The following CTIF variants were observed in gnomAD, a reference collection of about 807,000 sequenced individuals.
CTIF encodes cap binding complex dependent translation initiation factor.
CTIF carries 21 observed loss-of-function variants against 66.0 expected under a neutral mutation model. The ratio of observed to expected loss-of-function variants is 0.32; its 90% CI spans 0.23 to 0.46. The LOEUF (loss-of-function observed/expected upper bound fraction) is 0.46, where lower values mean the gene tolerates loss of function less well. Ranked by LOEUF, CTIF falls within the 20% of genes least tolerant of loss-of-function variation. CTIF has a pLI of 1.00. For missense variants in CTIF, 739 were observed against 812.7 expected, an observed-to-expected ratio of 0.91 and a Z score of 1.10; for synonymous variants, 345 against 326.4, an observed-to-expected ratio of 1.06 and a Z score of -0.62.
At chr18:48,701,037 C>T (rs149943399) in intron 6 of CTIF, among the ~76,000 whole-genome samples, 31 of 152,342 alleles carry the variant, frequency 2.0e-4, no homozygotes, top group African/African-American at 6.7e-4. Flanking sequence ...GAGGCCAGAA[C>T]GCAAACATTG....
intron 9 of CTIF, among the ~76,000 whole-genome samples, chr18:48,810,076 T>G (rs2068228105): frequency 6.6e-6 from 1 of 152,102 alleles, no homozygotes; most frequent in Non-Finnish European, 1.5e-5. Context: ...ATATGTAATT[T>G]TAAATTTAAT....
chr18:48,800,536 A>G (rs1300277889), intron 9 of CTIF, among the ~76,000 whole-genome samples: 1 of 151,978 alleles, frequency 6.6e-6, no homozygotes, highest in African/African-American at 2.4e-5. Flanking sequence ...TCCAACACCC[A>G]CCATACACTG....
At chr18:48,840,443 T>C (rs912819784) in intron 10 of CTIF, among the ~76,000 whole-genome samples, 1 of 152,208 alleles carries the variant, frequency 6.6e-6, no homozygotes, top group African/African-American at 2.4e-5. Context: ...AAAGATCATC[T>C]CGACTTAGAA....
intron 9 of CTIF, among the ~76,000 whole-genome samples, chr18:48,789,593 C>T (rs1441455488): frequency 1.3e-5 from 2 of 152,184 alleles, no homozygotes; most frequent in Non-Finnish European, 2.9e-5. Context: ...ATACCATATT[C>T]ATGGACTAGA....
chr18:48,759,992 A>G (rs988514907), intron 8 of CTIF, among the ~76,000 whole-genome samples: 2 of 152,052 alleles, frequency 1.3e-5, no homozygotes, highest in Admixed American at 6.6e-5. Context: ...CATCCTAAAC[A>G]TTTTCATCAG....
At chr18:48,736,537 C>A (rs143227637) in intron 7 of CTIF, among the ~76,000 whole-genome samples, 1 of 152,198 alleles carries the variant, frequency 6.6e-6, no homozygotes. Flanking sequence ...CCTGTTCCTC[C>A]GATGATTTTC....
chr18:48,738,489 T>G (rs552485278), intron 7 of CTIF, among the ~76,000 whole-genome samples: 1 of 152,248 alleles, frequency 6.6e-6, no homozygotes, highest in Admixed American at 6.5e-5. Context: ...CCACCCTGCC[T>G]TCCTGGGTGC....
intron 7 of CTIF, among the ~76,000 whole-genome samples, chr18:48,746,620 G>A (rs1568184182): frequency 6.6e-6 from 1 of 151,928 alleles, no homozygotes; most frequent in Non-Finnish European, 1.5e-5. Context: ...GTCAGAGCGT[G>A]GCAAGATGAT....
intron 9 of CTIF, among the ~76,000 whole-genome samples, chr18:48,765,290 C>T (rs1345994498): frequency 6.6e-6 from 1 of 152,218 alleles, no homozygotes; most frequent in Non-Finnish European, 1.5e-5. Context: ...GCTCCATCCA[C>T]TCAAGGCCCA....
chr18:48,657,269 A>G (rs530914771), intron 3 of CTIF, among the ~76,000 whole-genome samples: 101 of 152,394 alleles, frequency 6.6e-4, no homozygotes, highest in African/African-American at 2.4e-3. Flanking sequence ...GAAGTTCTGC[A>G]ATAAAAATTT....
intron 1 of CTIF, among the ~76,000 whole-genome samples, chr18:48,562,971 T>C (rs746411904): frequency 5.4e-4 from 82 of 152,196 alleles, no homozygotes; most frequent in Non-Finnish European, 1.0e-3. Context: ...ACTGAAAAGA[T>C]ATTGACGCTG....
At chr18:48,811,922 G>A (rs1225993733) in intron 9 of CTIF, among the ~76,000 whole-genome samples, 4 of 152,114 alleles carry the variant, frequency 2.6e-5, no homozygotes, top group Non-Finnish European at 1.5e-5. Flanking sequence ...GGAATTGCTG[G>A]ATCATATAGT....
At chr18:48,540,949 C>A (rs563867171) in intron 1 of CTIF, among the ~76,000 whole-genome samples, 1 of 152,234 alleles carries the variant, frequency 6.6e-6, no homozygotes, top group East Asian at 1.9e-4. Flanking sequence ...GTCCCAGGTC[C>A]GCTGTGCGGC....
chr18:48,766,343 G>A (rs1276873495), intron 9 of CTIF, among the ~76,000 whole-genome samples: 1 of 152,160 alleles, frequency 6.6e-6, no homozygotes. Flanking sequence ...TTGAATGACT[G>A]ATGGTTTGTA....
chr18:48,559,901 A>G (rs1466982227), intron 1 of CTIF, among the ~76,000 whole-genome samples: 1 of 152,184 alleles, frequency 6.6e-6, no homozygotes, highest in Non-Finnish European at 1.5e-5. Flanking sequence ...CTTAACCACT[A>G]TGCAATATAT....
intron 2 of CTIF, among the ~76,000 whole-genome samples, chr18:48,626,783 G>C (rs1259188575): frequency 1.3e-5 from 2 of 151,550 alleles, no homozygotes; most frequent in Non-Finnish European, 2.9e-5. Context: ...AGCCTCCCGA[G>C]TAGCTGTGAT....
intron 4 of CTIF, 99 bp downstream of exon 4, chr18:48,663,924 G>A: frequency 9.7e-7 from 1 of 1,032,680 alleles, no homozygotes. Flanking sequence ...TGAGCAAGAG[G>A]CAGAGAGAAG....
At chr18:48,579,587 C>T (rs753220196) in intron 1 of CTIF, among the ~76,000 whole-genome samples, 27 of 152,164 alleles carry the variant, frequency 1.8e-4, no homozygotes, top group Non-Finnish European at 3.5e-4. Flanking sequence ...TTCTTCCCCC[C>T]AAGCCCACAC....
intron 10 of CTIF, among the ~76,000 whole-genome samples, chr18:48,829,448 C>G (rs1169904717): frequency 1.3e-5 from 2 of 152,220 alleles, no homozygotes; most frequent in Non-Finnish European, 2.9e-5. Context: ...AAATGGCCAT[C>G]AGTTACTCCA....
Sources: allele counts gnomAD v4.1 joint callset (sites outside exome capture counted in the v4.1 genomes callset), GRCh38; gene constraint gnomAD v4.1.1; transcripts MANE v1.5; gene names NCBI Gene and HGNC (gene_info 2026-07-23, HGNC 2026-07-21).